ANKRD18A: variants seen among roughly 807,000 people sequenced by gnomAD.
ANKRD18A encodes the protein ankyrin repeat domain-containing protein 18A.
Under a neutral mutation model 110.6 loss-of-function variants are expected in ANKRD18A, and 72 were observed. That is an observed-to-expected ratio of 0.65 (90% CI 0.54 to 0.79). ANKRD18A has a LOEUF of 0.79. Among genes scored for constraint, ANKRD18A ranks in the 30% least tolerant of loss-of-function variants. The probability of loss-of-function intolerance (pLI) is 0.00; values close to 1 mark genes in which losing one functional copy is unlikely to be tolerated. For missense variants in ANKRD18A, 934 were observed against 1,163.3 expected, an observed-to-expected ratio of 0.80 and a Z score of 2.87; for synonymous variants, 305 against 410.3, an observed-to-expected ratio of 0.74 and a Z score of 3.10.
At chr9:38,574,498 G>A (rs1275350247) in intron 15 of ANKRD18A, among the ~76,000 whole-genome samples, 20 of 151,956 alleles carry the variant, frequency 1.3e-4, no homozygotes, top group Non-Finnish European at 2.9e-4. Context: ...TGTAGTTTTA[G>A]TAGAGACGGG....
At chr9:38,606,247 C>T (rs753353530) in intron 6 of ANKRD18A, among the ~76,000 whole-genome samples, 3 of 152,114 alleles carry the variant, frequency 2.0e-5, no homozygotes, top group African/African-American at 4.8e-5. Flanking sequence ...AAGACAGTTA[C>T]GTTCTTAGTG....
At chr9:38,586,928 G>A (rs1019162931) in intron 11 of ANKRD18A, among the ~76,000 whole-genome samples, 7 of 151,974 alleles carry the variant, frequency 4.6e-5, no homozygotes, top group Non-Finnish European at 7.4e-5. Flanking sequence ...ATGAAATAAC[G>A]TATTAGTAAA....
intron 14 of ANKRD18A, 80 bp downstream of exon 14, chr9:38,576,973 A>C (rs1396604698): frequency 2.4e-6 from 3 of 1,246,382 alleles, no homozygotes; most frequent in Non-Finnish European, 3.4e-6. Flanking sequence ...GATCTCCTGA[A>C]GCCATCTCAC....
rs567693151 is a variant in ANKRD18A, at chr9:38,611,373, C to A, written c.496-52G>T. ...ATTCACAAAATTACATATTTCTCCA[C>A]TGAACTAAAAATCTTCTATAAGATG... On this transcript the variant is annotated intron_variant, in intron 3 of 15. Transcript: ENST00000399703. 241 of 1,499,136 alleles carry A rather than the reference C, an allele frequency of 1.6e-4. No homozygotes were observed. The African/African-American group carries it at 2.3e-3, about 14-fold the overall frequency. 92.9% of individuals were successfully genotyped at this position (1,499,136 alleles called of 1,614,324 possible).
At chr9:38,576,692 T>C (rs1823908603) in intron 14 of ANKRD18A, among the ~76,000 whole-genome samples, 1 of 152,126 alleles carries the variant, frequency 6.6e-6, no homozygotes, top group African/African-American at 2.4e-5. Flanking sequence ...AAAAAATAAA[T>C]TAAACTCACT....
At position 38,595,584 on chromosome 9, in the gene ANKRD18A, C is replaced by T; in HGVS notation, c.1756G>A (p.Glu586Lys). Residue 586 changes from glutamate (E) to lysine (K), a missense_variant, in exon 9 of 16, where the codon GAA becomes AAA. By Grantham distance (56) the Glu-to-Lys change is moderately conservative. Transcript: ENST00000399703. ...IHRDCLENGK[E>K]DLLEERNKEL... Reference sequence around the variant, plus strand: ...TTATTTCTTTCTTCTAGAAGATCTTCCTTTCCATTCTCAAGACAGTCTCTG... The same window carrying T: ...TTATTTCTTTCTTCTAGAAGATCTTTCTTTCCATTCTCAAGACAGTCTCTG... 5.2e-6 allele frequency: 8 copies of T among 1,549,638 alleles called. No homozygotes were observed. The highest frequency in any genetic ancestry group is 7.0e-6 in the Non-Finnish European group (8 of 1,146,122).
chr9:38,569,975 C>G (rs1823580676), downstream of ANKRD18A, among the ~76,000 whole-genome samples: 1 of 152,138 alleles, frequency 6.6e-6, no homozygotes, highest in Non-Finnish European at 1.5e-5. Context: ...TTCCAGCCAC[C>G]CTCCAGGGTG....
Position 38,578,155 on chromosome 9 carries a change from T to A in ANKRD18A, c.2248-7A>T. On this transcript the variant is annotated splice_region_variant and splice_polypyrimidine_tract_variant and intron_variant, in intron 12 of 15. Transcript: ENST00000399703. ...CGGCCACAAGATCATTAAACTGCAT[T>A]AAGAAAATAATAGAGCTTGATAATG... 3.3e-6 allele frequency: 5 copies of A among 1,536,232 alleles called. No individual in the cohort carries two copies. In the South Asian group the frequency reaches 5.0e-5, roughly 15 times the overall value.
At chr9:38,569,297 G>C, downstream of ANKRD18A, 2 of 962,914 alleles carry the variant, frequency 2.1e-6, no homozygotes, top group Middle Eastern at 1.1e-3. Flanking sequence ...CACCTGGTGA[G>C]TGCTCAGGGA....
intron 11 of ANKRD18A, 111 bp from the exon 12 acceptor site, chr9:38,586,423 T>C (rs1331795929): frequency 2.5e-5 from 24 of 972,186 alleles, no homozygotes; most frequent in Non-Finnish European, 3.4e-5. Flanking sequence ...CTATAAACTA[T>C]GATCCTCTCA....
chr9:38,588,368 G>A (rs1824476330), intron 11 of ANKRD18A, among the ~76,000 whole-genome samples, 183 bp downstream of exon 11: 1 of 151,910 alleles, frequency 6.6e-6, no homozygotes, highest in Non-Finnish European at 1.5e-5. Context: ...CAAGGGTCAT[G>A]GACTCCTGCT....
In ANKRD18A at chr9:38,588,513, C is replaced by T. The variant is rs763686112; in HGVS notation, c.2117+38G>A. 7.5e-5 allele frequency: 89 copies of T among 1,182,626 alleles called. 1 individual carries two copies. The highest frequency in any genetic ancestry group is 1.5e-5 in the Non-Finnish European group (14 of 914,256). 73.3% of individuals were successfully genotyped at this position (1,182,626 alleles called of 1,614,324 possible). On this transcript the variant is annotated intron_variant, in intron 11 of 15. Coordinates refer to ENST00000399703, the MANE Select transcript of ANKRD18A (RefSeq NM_147195.4). ...AGTAAAGTTAGAGTTAAATCAATTACTAAATGGTTAAAATGTTCTACAATA... is the reference window on the plus strand; with the variant it reads ...AGTAAAGTTAGAGTTAAATCAATTATTAAATGGTTAAAATGTTCTACAATA...
At chr9:38,589,280 T>G (rs184886781) in intron 10 of ANKRD18A, among the ~76,000 whole-genome samples, 1 of 152,394 alleles carries the variant, frequency 6.6e-6, no homozygotes, top group East Asian at 1.9e-4. Flanking sequence ...CCCCTTCCAT[T>G]GGACTCTATG....
At chr9:38,599,062 A>T (rs1174972250) in intron 8 of ANKRD18A, among the ~76,000 whole-genome samples, 2 of 151,962 alleles carry the variant, frequency 1.3e-5, no homozygotes, top group Admixed American at 1.3e-4. Context: ...TTAATTTTTC[A>T]ATTTCTGTAT....
At chr9:38,613,401 G>A (rs1825725360) in intron 3 of ANKRD18A, among the ~76,000 whole-genome samples, 1 of 152,074 alleles carries the variant, frequency 6.6e-6, no homozygotes, top group Admixed American at 6.6e-5. Flanking sequence ...CTGTGAATGT[G>A]TTGCTAAATG....
intron 15 of ANKRD18A, among the ~76,000 whole-genome samples, chr9:38,574,288 C>T (rs1256399445): frequency 1.3e-5 from 2 of 152,166 alleles, no homozygotes. Context: ...TCCAATCTAC[C>T]TTGGATTTTC....
At chr9:38,606,248 G>A (rs1825349722) in intron 6 of ANKRD18A, among the ~76,000 whole-genome samples, 1 of 152,098 alleles carries the variant, frequency 6.6e-6, no homozygotes, top group South Asian at 2.1e-4. Context: ...AGACAGTTAC[G>A]TTCTTAGTGA....
intron 3 of ANKRD18A, among the ~76,000 whole-genome samples, chr9:38,614,972 T>G (rs1825789248): frequency 6.6e-6 from 1 of 152,180 alleles, no homozygotes; most frequent in Non-Finnish European, 1.5e-5. Flanking sequence ...AAAATTAATC[T>G]TTAGGCAAGT....
chr9:38,592,914 C>T (rs1824717684), intron 10 of ANKRD18A, among the ~76,000 whole-genome samples: 1 of 152,194 alleles, frequency 6.6e-6, no homozygotes, highest in Admixed American at 6.5e-5. Context: ...TGGTTGCCTA[C>T]AACTGGGGTA....
Sources: allele counts gnomAD v4.1 joint callset (sites outside exome capture counted in the v4.1 genomes callset), GRCh38; gene constraint gnomAD v4.1.1; transcripts MANE v1.5; gene names NCBI Gene and HGNC (gene_info 2026-07-23, HGNC 2026-07-21).